Variants in SRGAP3 observed in about 807,000 individuals in gnomAD.
SRGAP3 encodes SLIT-ROBO Rho GTPase activating protein 3.
SRGAP3 carries 39 observed loss-of-function variants against 121.1 expected under a neutral mutation model. The observed-to-expected ratio is 0.32, with a 90% CI of 0.25 to 0.42. The LOEUF (loss-of-function observed/expected upper bound fraction) is 0.42, where lower values mean the gene tolerates loss of function less well. SRGAP3 is among the 10% of genes least tolerant of loss of function. The probability of loss-of-function intolerance (pLI) is 1.00; values close to 1 mark genes in which losing one functional copy is unlikely to be tolerated. For synonymous variants in SRGAP3, 601 were observed against 570.0 expected, an observed-to-expected ratio of 1.05 and a Z score of -0.77; for missense variants, 1,213 against 1,470.6, an observed-to-expected ratio of 0.82 and a Z score of 2.86.
At chr3:9,357,576 T>A (rs2030587171) in intron 1 of SRGAP3, among the ~76,000 whole-genome samples, 1 of 149,868 alleles carries the variant, frequency 6.7e-6, no homozygotes, top group Non-Finnish European at 1.5e-5. Context: ...AGAATGTTAC[T>A]CTTCTGGGGA....
intron 18 of SRGAP3, among the ~76,000 whole-genome samples, chr3:9,009,350 C>T (rs1027814063): frequency 1.3e-5 from 2 of 152,174 alleles, no homozygotes; most frequent in African/African-American, 4.8e-5. Context: ...AAAAGGAAAA[C>T]TATCCCAGGT....
At chr3:9,155,977 C>T (rs71314328) in intron 1 of SRGAP3, among the ~76,000 whole-genome samples, 17,988 of 151,926 alleles carry the variant, frequency 0.12, 1,314 homozygotes, top group Admixed American at 0.23. Context: ...CACCACGCCC[C>T]GCTAATTTTT....
intron 3 of SRGAP3, among the ~76,000 whole-genome samples, chr3:9,265,870 G>A (rs1295218125): frequency 1.3e-5 from 2 of 152,122 alleles, no homozygotes; most frequent in African/African-American, 4.8e-5. Context: ...TCTCATTACT[G>A]GGTATATACC....
At chr3:9,027,101 A>G in intron 12 of SRGAP3, 106 bp from the exon 13 acceptor site, 1 of 1,020,298 alleles carries the variant, frequency 9.8e-7, no homozygotes, top group East Asian at 2.4e-5. Context: ...TAGTACCATC[A>G]GATTAGTAGG....
chr3:9,237,290 T>C (rs545356119), intron 1 of SRGAP3, among the ~76,000 whole-genome samples: 5 of 152,258 alleles, frequency 3.3e-5, no homozygotes, highest in East Asian at 1.9e-4. Flanking sequence ...ACATTTTTGA[T>C]TGTCACAACT....
chr3:8,994,896 C>T (rs984373314), intron 18 of SRGAP3, among the ~76,000 whole-genome samples: 1 of 152,128 alleles, frequency 6.6e-6, no homozygotes, highest in Non-Finnish European at 1.5e-5. Flanking sequence ...CACCCTTTTC[C>T]TCTTTGTCAT....
Position 9,022,664 on chromosome 3 carries a change from C to G in SRGAP3, c.1678+2597G>C, listed in dbSNP as rs1943986240. On this transcript the variant is annotated intron_variant, in intron 14 of 21. Transcript: ENST00000383836. ...AAGTGAGAAATCTGGCAGCGGCCAA[C>G]CCAGAAAATCCAGGAAAGGATTTTT... Among the ~76,000 whole-genome samples, 4 of 152,066 alleles carry G rather than the reference C, an allele frequency of 2.6e-5. No homozygotes were observed. The South Asian group carries it at 8.3e-4, about 32-fold the overall frequency.
intron 1 of SRGAP3, among the ~76,000 whole-genome samples, chr3:9,127,933 G>A (rs1949301671): frequency 6.6e-6 from 1 of 151,098 alleles, no homozygotes; most frequent in Non-Finnish European, 1.5e-5. Flanking sequence ...AAGAACAGGT[G>A]AGGAGAGAGG....
At chr3:9,258,160 G>A (rs2648515) in intron 3 of SRGAP3, among the ~76,000 whole-genome samples, 20,756 of 152,150 alleles carry the variant, frequency 0.14, 1,532 homozygotes, top group East Asian at 0.25. Flanking sequence ...GAGAAGCACA[G>A]GGTCCCATGG....
chr3:9,303,196 G>A (rs1333008746), intron 3 of SRGAP3, among the ~76,000 whole-genome samples: 12 of 152,018 alleles, frequency 7.9e-5, no homozygotes, highest in South Asian at 2.1e-4. Flanking sequence ...AGGCCTAGGC[G>A]GGCAGATTAC....
chr3:9,356,192 C>T (rs2648540), intron 1 of SRGAP3, among the ~76,000 whole-genome samples: 25,349 of 121,740 alleles, frequency 0.21, 2,949 homozygotes, highest in African/African-American at 0.36. Context: ...ACTTTTTTTT[C>T]TTTTTTTTTT....
intron 4 of SRGAP3, among the ~76,000 whole-genome samples, chr3:9,067,998 C>A (rs1946509731): frequency 6.6e-6 from 1 of 152,144 alleles, no homozygotes; most frequent in South Asian, 2.1e-4. Flanking sequence ...CCTGCTGCGG[C>A]TGTCTCCAGG....
chr3:9,028,185 A>C, intron 12 of SRGAP3: 1 of 1,609,844 alleles, frequency 6.2e-7, no homozygotes, highest in Non-Finnish European at 8.5e-7. Flanking sequence ...AAGATTATGC[A>C]GGAATAAGAT....
At chr3:9,217,507 G>A (rs1041997239) in intron 1 of SRGAP3, 19 of 152,134 alleles carry the variant, frequency 1.2e-4, no homozygotes, top group African/African-American at 3.4e-4. Flanking sequence ...CAAAAGGAAG[G>A]GGATCTACAG....
intron 9 of SRGAP3, among the ~76,000 whole-genome samples, chr3:9,049,777 C>CTTT (rs34472476): frequency 1.1e-4 from 15 of 142,682 alleles, no homozygotes; most frequent in African/African-American, 2.1e-4. Context: ...TGAGAACCTA[C>CTTT]TTTTTTTTTT....
intron 4 of SRGAP3, among the ~76,000 whole-genome samples, chr3:9,069,963 A>G (rs1178386878): frequency 6.6e-6 from 1 of 152,210 alleles, no homozygotes; most frequent in Non-Finnish European, 1.5e-5. Context: ...AAAGAAAGAA[A>G]GAAAGAAAAG....
At chr3:9,032,180 G>T (rs1944518022) in intron 12 of SRGAP3, among the ~76,000 whole-genome samples, 1 of 152,036 alleles carries the variant, frequency 6.6e-6, no homozygotes, top group South Asian at 2.1e-4. Context: ...TTCCTTTGCT[G>T]GTATATATGC....
chr3:9,351,443 C>T (rs909726365), intron 1 of SRGAP3, among the ~76,000 whole-genome samples: 6 of 152,066 alleles, frequency 3.9e-5, no homozygotes, highest in African/African-American at 1.4e-4. Flanking sequence ...ATCTTAATCG[C>T]GTTAGAGTTC....
intron 2 of SRGAP3, 141 bp from the exon 3 acceptor site, chr3:9,104,983 G>A (rs1463433018): frequency 1.9e-6 from 2 of 1,047,928 alleles, no homozygotes; most frequent in East Asian, 5.2e-5. Flanking sequence ...ATACAGTTGG[G>A]GAAACAGGCT....
Sources: allele counts gnomAD v4.1 joint callset (sites outside exome capture counted in the v4.1 genomes callset), GRCh38; gene constraint gnomAD v4.1.1; transcripts MANE v1.5; gene names NCBI Gene and HGNC (gene_info 2026-07-23, HGNC 2026-07-21).